The following TAFA5 variants were observed in gnomAD, a reference collection of about 807,000 sequenced individuals.
TAFA5 encodes the protein chemokine-like protein TAFA-5.
TAFA5 carries 6 observed loss-of-function variants against 15.3 expected under a neutral mutation model. That is an observed-to-expected ratio of 0.39 (90% CI 0.21 to 0.77). The LOEUF is 0.77. TAFA5 is among the 30% of genes least tolerant of loss of function. The pLI is 0.41. For missense variants in TAFA5, 161 were observed against 193.1 expected (o/e 0.83, Z 0.98); for synonymous variants, 103 against 80.7 (o/e 1.28, Z -1.48).
chr22:48,521,655 G>C (rs905834942), intron 1 of TAFA5, among the ~76,000 whole-genome samples: 1 of 152,186 alleles, frequency 6.6e-6, no homozygotes, highest in Non-Finnish European at 1.5e-5. Flanking sequence ...CCAGCCGCAC[G>C]GGAGACGGAG....
intron 1 of TAFA5, among the ~76,000 whole-genome samples, chr22:48,622,579 C>T (rs567846211): frequency 4.9e-4 from 75 of 152,212 alleles, no homozygotes; most frequent in Non-Finnish European, 6.3e-4. Flanking sequence ...CTCAGCTGGC[C>T]GAGGTTGAGG....
chr22:48,724,111 CTCG>C (rs1929648086), intron 3 of TAFA5, among the ~76,000 whole-genome samples: 1 of 152,026 alleles, frequency 6.6e-6, no homozygotes, highest in Non-Finnish European at 1.5e-5. Context: ...ACTCAGGGTT[CTCG>C]TTGCATTGCT....
Position 48,489,616 on chromosome 22 carries a change from C to T in TAFA5, c.24C>T (p.Gly8=). 6.7e-7 allele frequency: 1 copy of T among 1,503,206 alleles called. No individual in the cohort carries two copies. The highest frequency in any genetic ancestry group is 8.9e-7 in the Non-Finnish European group (1 of 1,123,934). 93.1% of individuals were successfully genotyped at this position (1,503,206 alleles called of 1,614,324 possible). A position where few individuals can be genotyped will look rare whatever the true frequency, so the allele number is the denominator to read the frequency against. ...CAATGGCGCCATCGCCCAGGACCGG[C>T]AGCCGGCAAGATGCGACCGCCCTGC... MAPSPRT[G]SRQDATALPS... The change falls in exon 1 of 4, where the codon GGC becomes GGT. Residue 8 remains glycine (G), a synonymous_variant. Coordinates refer to ENST00000402357, the MANE Select transcript of TAFA5 (RefSeq NM_001082967.3). This position sits in a 1 kb window ranked among gnomAD's most constrained non-coding sequence, Gnocchi z 5.5.
At chr22:48,654,880 C>G (rs1007375212) in intron 2 of TAFA5, among the ~76,000 whole-genome samples, 1 of 151,952 alleles carries the variant, frequency 6.6e-6, no homozygotes, top group African/African-American at 2.4e-5. Flanking sequence ...GGAGCAACCT[C>G]CTTATCCCCA....
At chr22:48,702,409 C>G (rs1322014233) in intron 2 of TAFA5, among the ~76,000 whole-genome samples, 1 of 152,080 alleles carries the variant, frequency 6.6e-6, no homozygotes, top group Non-Finnish European at 1.5e-5. Context: ...CAAACCCACT[C>G]TGAGACGCAC....
At chr22:48,571,089 A>T (rs1923565525) in intron 1 of TAFA5, among the ~76,000 whole-genome samples, 1 of 152,074 alleles carries the variant, frequency 6.6e-6, no homozygotes, top group Non-Finnish European at 1.5e-5. Context: ...GAACTTCTGA[A>T]TCCCCTCAAA....
intron 2 of TAFA5, chr22:48,693,412 C>T: frequency 6.2e-7 from 1 of 1,611,856 alleles, no homozygotes; most frequent in Non-Finnish European, 8.5e-7. Context: ...CGTCATAGTG[C>T]AGCCCGTGCA....
At chr22:48,730,906 C>T (rs9628521) in intron 3 of TAFA5, among the ~76,000 whole-genome samples, 2,044 of 152,204 alleles carry the variant, frequency 0.013, 47 homozygotes, top group African/African-American at 0.047. Flanking sequence ...AAGGAAGAGG[C>T]GTCCGTCTCT....
intron 1 of TAFA5, among the ~76,000 whole-genome samples, chr22:48,521,192 T>C (rs1921588458): frequency 1.3e-5 from 2 of 152,174 alleles, no homozygotes; most frequent in Non-Finnish European, 2.9e-5. Flanking sequence ...TCTGGCTTCA[T>C]TTACCCAGCA....
At chr22:48,590,522 C>T (rs530353488) in intron 1 of TAFA5, among the ~76,000 whole-genome samples, 5 of 152,264 alleles carry the variant, frequency 3.3e-5, no homozygotes, top group African/African-American at 7.2e-5. Flanking sequence ...GGCCCAAGCC[C>T]GGGAGACACT....
intron 1 of TAFA5, chr22:48,544,730 C>T: frequency 2.1e-6 from 1 of 471,312 alleles, no homozygotes; most frequent in South Asian, 1.5e-5. Context: ...GTCTCAGTCC[C>T]CACTCCGGGC....
intron 1 of TAFA5, among the ~76,000 whole-genome samples, chr22:48,495,605 C>T (rs1928297569): frequency 6.6e-6 from 1 of 152,196 alleles, no homozygotes; most frequent in African/African-American, 2.4e-5. Flanking sequence ...TGGCCCTGCA[C>T]CCAGCCGGCA....
chr22:48,531,698 G>T (rs535991763), intron 1 of TAFA5, among the ~76,000 whole-genome samples: 1 of 152,112 alleles, frequency 6.6e-6, no homozygotes, highest in African/African-American at 2.4e-5. Context: ...TCAGTCTCGC[G>T]CCAGAGACCA....
chr22:48,609,814 C>T (rs906594113), intron 1 of TAFA5, among the ~76,000 whole-genome samples: 9 of 152,194 alleles, frequency 5.9e-5, no homozygotes, highest in African/African-American at 1.9e-4. Context: ...CCCGGCTGCT[C>T]TCTGGCTGCC....
intron 1 of TAFA5, among the ~76,000 whole-genome samples, chr22:48,633,343 GGA>G (rs774380614): frequency 1.4e-4 from 21 of 152,214 alleles, no homozygotes; most frequent in Admixed American, 2.6e-4. Flanking sequence ...CCTGAATGTT[GGA>G]GAGAGGGGGC....
chr22:48,639,092 C>A (rs1926581793), intron 1 of TAFA5, among the ~76,000 whole-genome samples: 1 of 152,228 alleles, frequency 6.6e-6, no homozygotes, highest in South Asian at 2.1e-4. Context: ...GGTGCCCATG[C>A]AGGTGGGCAG....
chr22:48,638,515 CAG>C (rs1217500767), intron 1 of TAFA5, among the ~76,000 whole-genome samples: 11 of 131,576 alleles, frequency 8.4e-5, no homozygotes, highest in East Asian at 2.4e-4. Context: ...ACACCACACA[CAG>C]GGGGGACCCC....
At chr22:48,673,297 A>G (rs1488369429) in intron 2 of TAFA5, among the ~76,000 whole-genome samples, 1 of 127,946 alleles carries the variant, frequency 7.8e-6, no homozygotes, top group African/African-American at 2.7e-5. Flanking sequence ...AAGATTAAAC[A>G]GAGTTTCTGC....
intron 2 of TAFA5, among the ~76,000 whole-genome samples, chr22:48,688,562 T>C (rs1459966725): frequency 6.6e-6 from 1 of 152,082 alleles, no homozygotes; most frequent in Non-Finnish European, 1.5e-5. Flanking sequence ...GCCTCTTAAC[T>C]CCCCCTGGCT....
Sources: gnomAD v4.1 joint callset for allele counts (sites outside exome capture counted in the v4.1 genomes callset) on GRCh38, gnomAD v4.1.1 for gene constraint, Gnocchi (gnomAD v3.1) non-coding constraint, MANE v1.5 for transcripts, NCBI Gene and HGNC (gene_info 2026-07-23, HGNC 2026-07-21) for gene names.